ZNF365: variants seen among roughly 807,000 people sequenced by gnomAD.
ZNF365 encodes the protein protein ZNF365.
ZNF365 carries 22 observed loss-of-function variants against 35.0 expected under a neutral mutation model. That is an observed-to-expected ratio of 0.63 (90% CI 0.45 to 0.90). The LOEUF is 0.90. Ranked by LOEUF, ZNF365 falls within the 40% of genes least tolerant of loss-of-function variation. The probability of loss-of-function intolerance (pLI) is 0.00; values close to 1 mark genes in which losing one functional copy is unlikely to be tolerated. For synonymous variants in ZNF365, 188 were observed against 196.2 expected (o/e 0.96, Z 0.35); for missense variants, 448 against 500.3 (o/e 0.90, Z 1.00).
chr10:62,470,126 C>T (rs1022896343), intron 4 of ZNF365, among the ~76,000 whole-genome samples: 4 of 152,006 alleles, frequency 2.6e-5, no homozygotes, highest in Non-Finnish European at 4.4e-5. Context: ...TCCTGAATAC[C>T]GACCTAGATA....
intron 4 of ZNF365, among the ~76,000 whole-genome samples, chr10:62,474,969 AT>A (rs980906860): frequency 6.6e-5 from 10 of 152,130 alleles, no homozygotes; most frequent in African/African-American, 2.2e-4. Flanking sequence ...TTACTTTATG[AT>A]CATCAAGTAA....
At chr10:62,442,936 C>T (rs1840525519) in intron 3 of ZNF365, among the ~76,000 whole-genome samples, 1 of 152,170 alleles carries the variant, frequency 6.6e-6, no homozygotes, top group Admixed American at 6.5e-5. Flanking sequence ...ACTGGAGCAC[C>T]ATTAGCTTTA....
chr10:62,430,341 C>T (rs1032889238), intron 3 of ZNF365, among the ~76,000 whole-genome samples: 4 of 150,124 alleles, frequency 2.7e-5, no homozygotes, highest in Admixed American at 6.7e-5. Context: ...CCACCACGCC[C>T]GGCTAATTTT....
Position 62,400,967 on chromosome 10 carries a change from T to C in ZNF365, c.*1178T>C. 1 of 985,548 alleles carries C rather than the reference T, an allele frequency of 1.0e-6. No individual in the cohort carries two copies. Among genetic ancestry groups the C allele is most frequent in the Non-Finnish European group, 1.2e-6 (1 of 829,942 alleles). The allele number at this position is 985,548 out of a possible 1,614,324, so 61.1% of individuals were successfully genotyped here. A position where few individuals can be genotyped will look rare whatever the true frequency, so the allele number is the denominator to read the frequency against. On this transcript the variant is annotated 3_prime_UTR_variant, in exon 5 of 5. Coordinates refer to ENST00000395254, the MANE Select transcript of ZNF365 (RefSeq NM_014951.3). ...CTTCCCTCCCTAAAATGGCTTTAGT[T>C]TCCACAAAGAGCTGTTAAGAATTTC... is the stretch of plus-strand genomic sequence containing the variant.
chr10:62,417,053 A>G (rs965090037), intron 3 of ZNF365, among the ~76,000 whole-genome samples: 2 of 152,088 alleles, frequency 1.3e-5, no homozygotes, highest in African/African-American at 4.8e-5. Context: ...AAATAGTATT[A>G]AAATATATAT....
chr10:62,439,712 G>A (rs1317384955), intron 3 of ZNF365, among the ~76,000 whole-genome samples: 4 of 152,188 alleles, frequency 2.6e-5, no homozygotes, highest in Non-Finnish European at 5.9e-5. Context: ...TGACAATGTG[G>A]AGCTGGTAAA....
chr10:62,464,522 G>C (rs1840900923), intron 4 of ZNF365, among the ~76,000 whole-genome samples: 1 of 152,236 alleles, frequency 6.6e-6, no homozygotes, highest in Non-Finnish European at 1.5e-5. Flanking sequence ...TGAATGAATG[G>C]ATGGTTGCTC....
At chr10:62,465,045 A>T (rs963603669) in intron 4 of ZNF365, among the ~76,000 whole-genome samples, 4 of 152,220 alleles carry the variant, frequency 2.6e-5, no homozygotes, top group Non-Finnish European at 2.9e-5. Context: ...ACCCAGCTAC[A>T]GCTCCAGATC....
At chr10:62,446,978 C>A (rs1369129566) in intron 3 of ZNF365, among the ~76,000 whole-genome samples, 2 of 152,182 alleles carry the variant, frequency 1.3e-5, no homozygotes, top group African/African-American at 4.8e-5. Flanking sequence ...TTTGAGGACA[C>A]CCGGCTTCAT....
At chr10:62,417,351 A>T (rs1589444588) in intron 3 of ZNF365, among the ~76,000 whole-genome samples, 1 of 152,084 alleles carries the variant, frequency 6.6e-6, no homozygotes, top group East Asian at 1.9e-4. Context: ...CAGTGGATAA[A>T]ACATTTAATA....
intron 4 of ZNF365, among the ~76,000 whole-genome samples, chr10:62,466,579 GGC>G (rs1187667161): frequency 6.6e-6 from 1 of 152,136 alleles, no homozygotes; most frequent in Non-Finnish European, 1.5e-5. Context: ...AGAGGTTTCT[GGC>G]TGGTGAAATG....
downstream of ZNF365, among the ~76,000 whole-genome samples, chr10:62,405,725 G>C (rs1335828836): frequency 6.6e-6 from 1 of 152,200 alleles, no homozygotes; most frequent in Non-Finnish European, 1.5e-5. Flanking sequence ...AAGTCTGTTA[G>C]ATTTTAGTGC....
intron 3 of ZNF365, among the ~76,000 whole-genome samples, chr10:62,423,190 C>G (rs1840200171): frequency 6.8e-6 from 1 of 147,614 alleles, no homozygotes; most frequent in Non-Finnish European, 1.5e-5. Flanking sequence ...AATTCCTGGT[C>G]TATACAACAT....
At chr10:62,476,251 G>GCTT (rs1375882658) in intron 4 of ZNF365, among the ~76,000 whole-genome samples, 2 of 152,146 alleles carry the variant, frequency 1.3e-5, no homozygotes, top group Non-Finnish European at 2.9e-5. Flanking sequence ...ATAGACTTGA[G>GCTT]CTTCGCAGTG....
rs750454816 is a variant in ZNF365 at position 62,388,596 on chromosome 10, C to A, written c.924+20C>A. The A allele has an allele frequency of 2.5e-6, 4 of 1,612,376 alleles. No homozygotes were observed. Among genetic ancestry groups the A allele is most frequent in the Middle Eastern group, 1.8e-4 (1 of 5,520 alleles). On this transcript the variant is annotated intron_variant, in intron 3 of 4. Transcript: ENST00000395254. ...CACGTGGTGAGTCACCCCGGGCCAG[C>A]CACCGAGTGTAAGATCCCTGTGGTT...
intron 4 of ZNF365, among the ~76,000 whole-genome samples, chr10:62,464,017 A>C (rs1470107946): frequency 2.0e-5 from 3 of 152,238 alleles, no homozygotes; most frequent in Non-Finnish European, 4.4e-5. Flanking sequence ...CAATAAAAAA[A>C]CAAAAGTCTT....
chr10:62,400,563 T>G lies in ZNF365; in HGVS notation c.*774T>G. 1.0e-6 allele frequency: 1 copy of G among 986,016 alleles called. No individual in the cohort carries two copies. The highest frequency in any genetic ancestry group is 1.2e-6 in the Non-Finnish European group (1 of 829,960). The allele number at this position is 986,016 out of a possible 1,614,324, so 61.1% of individuals were successfully genotyped here. A position where few individuals can be genotyped will look rare whatever the true frequency, so the allele number is the denominator to read the frequency against. On this transcript the variant is annotated 3_prime_UTR_variant, in exon 5 of 5. Transcript: ENST00000395254. ...CTGTGGATATGGCTGGGGAGCGAAG[T>G]AAAATCCTCTTTTGATTAGCACCCA...
chr10:62,444,273 G>A (rs1335182057), intron 3 of ZNF365, among the ~76,000 whole-genome samples: 1 of 152,168 alleles, frequency 6.6e-6, no homozygotes, highest in Non-Finnish European at 1.5e-5. Flanking sequence ...TTGGTGTGCT[G>A]GCTGATTTTG....
At chr10:62,438,376 T>A (rs1330868671) in intron 3 of ZNF365, among the ~76,000 whole-genome samples, 2 of 151,842 alleles carry the variant, frequency 1.3e-5, no homozygotes, top group Non-Finnish European at 2.9e-5. Flanking sequence ...TTAGTAGAGA[T>A]GAGGTTTCGC....
Sources: allele counts gnomAD v4.1 joint callset (sites outside exome capture counted in the v4.1 genomes callset), GRCh38; gene constraint gnomAD v4.1.1; transcripts MANE v1.5; gene names NCBI Gene and HGNC (gene_info 2026-07-23, HGNC 2026-07-21).